Variants in TNRC6B observed in about 807,000 individuals in gnomAD.
The protein encoded by TNRC6B is trinucleotide repeat containing adaptor 6B.
In TNRC6B, 52 loss-of-function variants were observed where a neutral mutation model predicts 203.6. That is an observed-to-expected ratio of 0.26 (90% CI 0.20 to 0.32). The LOEUF (loss-of-function observed/expected upper bound fraction) is 0.32. Ranked by LOEUF, TNRC6B falls within the 10% of genes least tolerant of loss-of-function variation. The probability of loss-of-function intolerance (pLI) is 1.00; values close to 1 mark genes in which losing one functional copy is unlikely to be tolerated. For synonymous variants in TNRC6B, 838 were observed against 845.7 expected (o/e 0.99, Z 0.16); for missense variants, 1,923 against 2,286.2 (o/e 0.84, Z 3.24).
intron 1 of TNRC6B, among the ~76,000 whole-genome samples, chr22:40,193,227 A>G (rs146646496): frequency 4.3e-3 from 661 of 152,236 alleles, no homozygotes; most frequent in Non-Finnish European, 7.4e-3. Flanking sequence ...CCCTGGCAAT[A>G]CATTGAGCAG....
chr22:40,091,748 A>C (rs1324211273), intron 1 of TNRC6B, among the ~76,000 whole-genome samples: 1 of 152,080 alleles, frequency 6.6e-6, no homozygotes, highest in Non-Finnish European at 1.5e-5. Context: ...TTAACTATTT[A>C]AGCTGACGAT....
chr22:40,242,103 G>T (rs1218564082), intron 1 of TNRC6B, among the ~76,000 whole-genome samples: 2 of 151,912 alleles, frequency 1.3e-5, no homozygotes, highest in Non-Finnish European at 2.9e-5. Context: ...CACAAAACTG[G>T]GTGCTAAGTG....
chr22:40,208,869 C>A lies in TNRC6B; in HGVS notation c.5+30729C>A, dbSNP rs2069521270. The stretch of plus-strand genomic sequence containing the variant: ...TTGAATTCTTTGCCAATGAGAGATG[C>A]CTGAAACACGGAAAGGAAAGACCTA... On this transcript the variant is annotated intron_variant, in intron 1 of 22. Transcript: ENST00000454349. 2.0e-5 allele frequency among the ~76,000 whole-genome samples: 3 copies of A among 152,124 alleles called. No individual in the cohort carries two copies. The South Asian group carries it at 6.2e-4, about 32-fold the overall frequency.
intron 1 of TNRC6B, among the ~76,000 whole-genome samples, chr22:40,086,863 A>G (rs2068104543): frequency 6.6e-6 from 1 of 152,216 alleles, no homozygotes; most frequent in Non-Finnish European, 1.5e-5. Flanking sequence ...CAGTGAAGAG[A>G]GATGCTAATA....
intron 2 of TNRC6B, among the ~76,000 whole-genome samples, chr22:40,248,914 A>G (rs1451400653): frequency 5.3e-5 from 8 of 152,222 alleles, no homozygotes; most frequent in Non-Finnish European, 1.5e-5. Context: ...ATTCTGATTT[A>G]GCAGTTTTAA....
chr22:40,239,868 C>T (rs1037395297), intron 1 of TNRC6B, among the ~76,000 whole-genome samples: 2 of 151,950 alleles, frequency 1.3e-5, no homozygotes, highest in African/African-American at 2.4e-5. Context: ...GACCGAGTCT[C>T]GCTTTGTCTC....
intron 1 of TNRC6B, among the ~76,000 whole-genome samples, chr22:40,091,798 G>T (rs2068152936): frequency 2.6e-5 from 4 of 152,150 alleles, no homozygotes; most frequent in South Asian, 4.1e-4. Flanking sequence ...CTACTTCTGT[G>T]TCTAGCATTT....
chr22:40,163,720 C>A (rs1276532862), intron 4 of TNRC6B, among the ~76,000 whole-genome samples: 1 of 151,822 alleles, frequency 6.6e-6, no homozygotes, highest in African/African-American at 2.4e-5. Context: ...AAGATGGCAT[C>A]ATTGCAATCC....
At chr22:40,175,051 TGGAGGTTAAGGAAAAAATATTCAGTG>T (rs1323126170), upstream of TNRC6B, among the ~76,000 whole-genome samples, 1 of 152,004 alleles carries the variant, frequency 6.6e-6, no homozygotes, top group African/African-American at 2.4e-5. Flanking sequence ...AAAGATGATG[TGGAGGTTAAGGAAAAAATATTCAGTG>T]GCCGGGCGCA....
chr22:40,089,771 G>A (rs116989074), intron 1 of TNRC6B, among the ~76,000 whole-genome samples: 1,662 of 152,278 alleles, frequency 0.011, 16 homozygotes, highest in Non-Finnish European at 0.019. Flanking sequence ...TTGGACAAAT[G>A]TATGATGGCA....
intron 4 of TNRC6B, among the ~76,000 whole-genome samples, chr22:40,161,989 GT>G (rs1193710732): frequency 6.6e-6 from 1 of 152,178 alleles, no homozygotes; most frequent in Non-Finnish European, 1.5e-5. Context: ...TTTTTGAGAG[GT>G]CATTATAGAT....
chr22:40,305,618 G>A (rs1045465287), intron 15 of TNRC6B, among the ~76,000 whole-genome samples: 6 of 152,096 alleles, frequency 3.9e-5, no homozygotes, highest in African/African-American at 9.7e-5. Context: ...GTCCGTCTTC[G>A]CCTGATTTTT....
chr22:40,304,984 T>C (rs1376303548), intron 15 of TNRC6B, among the ~76,000 whole-genome samples: 1 of 152,174 alleles, frequency 6.6e-6, no homozygotes, highest in Non-Finnish European at 1.5e-5. Context: ...TGTTTTTTAA[T>C]GTATAGCAAA....
chr22:40,293,118 C>T (rs528473573), intron 12 of TNRC6B, among the ~76,000 whole-genome samples: 62 of 150,386 alleles, frequency 4.1e-4, no homozygotes, highest in African/African-American at 1.5e-3. Context: ...ACTACCAGGT[C>T]TACTGTTCAT....
chr22:40,289,277 G>A (rs907434380), intron 12 of TNRC6B, among the ~76,000 whole-genome samples: 3 of 151,728 alleles, frequency 2.0e-5, no homozygotes, highest in Non-Finnish European at 4.4e-5. Context: ...GCAAGACCCC[G>A]TCTCAAAAAA....
intron 1 of TNRC6B, among the ~76,000 whole-genome samples, chr22:40,219,738 C>T (rs1236501855): frequency 6.6e-6 from 1 of 152,166 alleles, no homozygotes; most frequent in Non-Finnish European, 1.5e-5. Flanking sequence ...TCAAATGTCC[C>T]CCCTTCCCTC....
chr22:40,319,356 T>C (rs998147052), intron 21 of TNRC6B, among the ~76,000 whole-genome samples: 8 of 151,588 alleles, frequency 5.3e-5, no homozygotes, highest in African/African-American at 1.9e-4. Context: ...TCAAAAAATA[T>C]TAAGATGTTT....
At chr22:40,301,118 C>T (rs1237897908) in intron 14 of TNRC6B, 32 bp from the exon 15 acceptor site, 1 of 1,552,978 alleles carries the variant, frequency 6.4e-7, no homozygotes, top group Non-Finnish European at 8.7e-7. Flanking sequence ...CGGGGCCGTG[C>T]TTATCACGTG....
At chr22:40,282,378 T>C (rs1450875957) in intron 11 of TNRC6B, among the ~76,000 whole-genome samples, 1 of 152,222 alleles carries the variant, frequency 6.6e-6, no homozygotes, top group African/African-American at 2.4e-5. Context: ...TTACAACTGA[T>C]TTTTTATTTT....
Sources: gnomAD v4.1 joint callset for allele counts (sites outside exome capture counted in the v4.1 genomes callset) on GRCh38, gnomAD v4.1.1 for gene constraint, MANE v1.5 for transcripts, NCBI Gene and HGNC (gene_info 2026-07-23, HGNC 2026-07-21) for gene names.